Variants in NLRP5 observed in about 807,000 individuals in gnomAD.
NLRP5 encodes NACHT, LRR and PYD domains-containing protein 5.
NLRP5 carries 93 observed loss-of-function variants against 113.1 expected under a neutral mutation model. That is an observed-to-expected ratio of 0.82 (90% CI 0.70 to 0.98). The LOEUF is 0.98. NLRP5 is among the 50% of genes least tolerant of loss of function. NLRP5 has a pLI of 0.00. For missense variants in NLRP5, 1,808 were observed against 1,514.3 expected, an observed-to-expected ratio of 1.19 and a Z score of -3.22; for synonymous variants, 751 against 600.7, an observed-to-expected ratio of 1.25 and a Z score of -3.66.
At chr19:56,013,326 G>T (rs1337815311) in intron 3 of NLRP5, among the ~76,000 whole-genome samples, 3 of 152,048 alleles carry the variant, frequency 2.0e-5, no homozygotes, top group Non-Finnish European at 4.4e-5. Flanking sequence ...CTGAGTAGCT[G>T]GGACTACAGG....
At chr19:55,996,700 G>A (rs1275609566), upstream of NLRP5, among the ~76,000 whole-genome samples, 2 of 152,172 alleles carry the variant, frequency 1.3e-5, no homozygotes, top group Non-Finnish European at 2.9e-5. Context: ...ATTCCATGGT[G>A]TATATGTACC....
At chr19:56,000,833 C>T (rs1485811579) in intron 1 of NLRP5, among the ~76,000 whole-genome samples, 3 of 151,144 alleles carry the variant, frequency 2.0e-5, no homozygotes, top group Admixed American at 6.6e-5. Context: ...TGGTGAAACC[C>T]TGTCTCTACT....
intron 5 of NLRP5, 102 bp from the exon 6 acceptor site, chr19:56,020,273 G>A (rs1370276485): frequency 7.2e-7 from 1 of 1,383,566 alleles, no homozygotes; most frequent in African/African-American, 1.4e-5. Context: ...GTTTTCAACT[G>A]GCCAGAAAAT....
chr19:56,007,890 C>T (rs55959141), intron 2 of NLRP5, among the ~76,000 whole-genome samples: 13,581 of 54,548 alleles, frequency 0.25, 1,718 homozygotes, highest in Admixed American at 0.28. Context: ...TGTGTGTGTG[C>T]GCGTGCGCGC....
chr19:56,003,876 G>A lies in NLRP5; in HGVS notation c.223G>A (p.Glu75Lys). The A allele has an allele frequency of 6.2e-7, 1 of 1,613,954 alleles. No individual in the cohort carries two copies. Among genetic ancestry groups the A allele is most frequent in the Non-Finnish European group, 8.5e-7 (1 of 1,179,898 alleles). ...ATGGTGTCTCTATGAGCTAGACAAG[G>A]AAGAATTTCAGACATTCAAGGAATT... The change falls in exon 2 of 15, where the codon GAA (glutamate) becomes AAA (lysine). Residue 75 changes from glutamate to lysine, a missense_variant. Transcript: ENST00000390649.
At chr19:56,054,847 C>G (rs981892547) in intron 13 of NLRP5, among the ~76,000 whole-genome samples, 36 of 152,202 alleles carry the variant, frequency 2.4e-4, no homozygotes, top group African/African-American at 7.9e-4. Context: ...GCACTGTGAA[C>G]TACTCTAGAA....
chr19:56,058,379 G>C lies in NLRP5; in HGVS notation c.3439G>C (p.Ala1147Pro). Residue 1147 changes from alanine (A) to proline (P), a missense_variant, in exon 14 of 15, where the codon GCC (alanine) becomes CCC (proline). Ala to Pro is a conservative substitution (Grantham distance 27). Coordinates refer to ENST00000390649, the MANE Select transcript of NLRP5 (RefSeq NM_153447.4). The stretch of plus-strand genomic sequence containing the variant: ...AATGATGAAGCTGTGTTCGGCCTTT[G>C]CCTGTCCCACGTCTAACTTACAGAT... 6.2e-7 allele frequency: 1 copy of C among 1,613,900 alleles called. No individual in the cohort carries two copies. Among genetic ancestry groups the C allele is most frequent in the Non-Finnish European group, 8.5e-7 (1 of 1,179,838 alleles).
chr19:55,988,400 G>GA, the NLRP5 span: 36 of 92,598 alleles, frequency 3.9e-4, no homozygotes, highest in East Asian at 3.1e-3. Context: ...GTCTCAAGAA[G>GA]AAAAAAAAAA....
chr19:55,990,606 C>T, the NLRP5 span, among the ~76,000 whole-genome samples: 8 of 151,958 alleles, frequency 5.3e-5, no homozygotes, highest in African/African-American at 1.2e-4. Flanking sequence ...GCGGGTGGAT[C>T]ATGAGGTCAG....
At chr19:56,055,751 T>C (rs868429453) in intron 13 of NLRP5, among the ~76,000 whole-genome samples, 34 of 151,518 alleles carry the variant, frequency 2.2e-4, no homozygotes, top group Non-Finnish European at 3.8e-4. Flanking sequence ...TTCACCGTGT[T>C]AGCCAGGATG....
intron 3 of NLRP5, among the ~76,000 whole-genome samples, chr19:56,011,183 G>A (rs917741150): frequency 1.6e-5 from 2 of 128,256 alleles, no homozygotes; most frequent in Non-Finnish European, 3.5e-5. Context: ...ATACATTAAT[G>A]TATGCTACAA....
At chr19:55,988,633 T>G in the NLRP5 span, 3 of 152,014 alleles carry the variant, frequency 2.0e-5, no homozygotes, top group African/African-American at 7.3e-5. Flanking sequence ...CCCTAGACCA[T>G]ACTCGTTTCC....
At chr19:56,059,820 C>G (rs1356369501) in intron 14 of NLRP5, among the ~76,000 whole-genome samples, 1 of 152,192 alleles carries the variant, frequency 6.6e-6, no homozygotes, top group Non-Finnish European at 1.5e-5. Context: ...CCACCACGCC[C>G]GACTTCCTTG....
At chr19:56,055,491 A>G (rs1246700343) in intron 13 of NLRP5, among the ~76,000 whole-genome samples, 2 of 144,392 alleles carry the variant, frequency 1.4e-5, no homozygotes, top group Admixed American at 1.4e-4. Flanking sequence ...TTACTATAAT[A>G]CCATCACTCA....
At chr19:56,021,434 A>AT (rs1298408218) in intron 6 of NLRP5, among the ~76,000 whole-genome samples, 5 of 151,782 alleles carry the variant, frequency 3.3e-5, no homozygotes, top group Admixed American at 6.6e-5. Flanking sequence ...ATTCCAAGAC[A>AT]TTTTTTTTCT....
In NLRP5 at chr19:56,003,857, T is replaced by A. The variant is rs1452697790; in HGVS notation, c.204T>A (p.Cys68Ter). 4.3e-6 allele frequency: 7 copies of A among 1,613,848 alleles called. No individual in the cohort carries two copies. The highest frequency in any genetic ancestry group is 5.9e-6 in the Non-Finnish European group (7 of 1,179,900). ...TTTCCAGCTACGGGCTGCAATGGTGTCTCTATGAGCTAGACAAGGAAGAAT... is the reference window on the plus strand; with the variant it reads ...TTTCCAGCTACGGGCTGCAATGGTGACTCTATGAGCTAGACAAGGAAGAAT... The change falls in exon 2 of 15, where the codon TGT becomes TGA. Residue 68 changes from cysteine to a stop codon, truncating the protein, a stop_gained. Transcript: ENST00000390649. LOFTEE classifies it high-confidence loss of function.
intron 10 of NLRP5, among the ~76,000 whole-genome samples, 178 bp from the exon 11 acceptor site, chr19:56,040,744 C>G (rs555289198): frequency 6.6e-6 from 1 of 152,122 alleles, no homozygotes; most frequent in Non-Finnish European, 1.5e-5. Flanking sequence ...TCTTTTGGGG[C>G]TGATGCACTG....
chr19:56,013,861 A>G (rs781537794), intron 3 of NLRP5, among the ~76,000 whole-genome samples: 3 of 152,132 alleles, frequency 2.0e-5, no homozygotes, highest in Admixed American at 6.6e-5. Context: ...CCATCCTAGT[A>G]GTTATGAAAC....
intron 3 of NLRP5, among the ~76,000 whole-genome samples, chr19:56,009,358 A>AAAAAAAAAT: frequency 6.7e-6 from 1 of 150,092 alleles, no homozygotes; most frequent in African/African-American, 2.4e-5. Context: ...AAAAAAAAAA[A>AAAAAAAAAT]AGAGTTCTGT....
Sources: allele counts gnomAD v4.1 joint callset (sites outside exome capture counted in the v4.1 genomes callset), GRCh38; gene constraint gnomAD v4.1.1; transcripts MANE v1.5; gene names NCBI Gene and HGNC (gene_info 2026-07-23, HGNC 2026-07-21).